HECW1: variants seen among roughly 807,000 people sequenced by gnomAD.
HECW1 encodes the protein E3 ubiquitin-protein ligase HECW1.
HECW1 carries 61 observed loss-of-function variants against 182.3 expected under a neutral mutation model. The observed-to-expected ratio is 0.33, with a 90% CI of 0.27 to 0.41. HECW1 has a LOEUF of 0.41. Among genes scored for constraint, HECW1 ranks in the 10% least tolerant of loss-of-function variants. The pLI is 1.00. For missense variants in HECW1, 1,739 were observed against 2,108.9 expected, an observed-to-expected ratio of 0.82 and a Z score of 3.44; for synonymous variants, 859 against 832.6, an observed-to-expected ratio of 1.03 and a Z score of -0.55.
chr7:43,179,580 T>TGTTGTTGTTGTC (rs1554299849), intron 2 of HECW1, among the ~76,000 whole-genome samples: 2 of 152,090 alleles, frequency 1.3e-5, no homozygotes, highest in African/African-American at 4.8e-5. Context: ...TTGTTGTTGT[T>TGTTGTTGTTGTC]GTCGTTTTTG....
Position 43,456,405 on chromosome 7 carries a change from G to T in HECW1, c.2609G>T (p.Arg870Leu). The T allele has an allele frequency of 6.2e-7, 1 of 1,614,040 alleles. No individual in the cohort carries two copies. Among genetic ancestry groups the T allele is most frequent in the Non-Finnish European group, 8.5e-7 (1 of 1,179,982 alleles). Residue 870 changes from arginine (R) to leucine (L), a missense_variant, in exon 13 of 30, where the codon CGG becomes CTG. Physicochemically the swap from Arg to Leu is moderately radical, Grantham distance 102. Around this residue, in one of 5 missense-constraint regions of HECW1, gnomAD observed 971 missense variants for 1,029.1 expected, o/e 0.94. Coordinates refer to ENST00000395891, the MANE Select transcript of HECW1 (RefSeq NM_015052.5). ...GCAGCAGCCACCCCGGATGGCATGCGGAGATCGGGGTCCATCCAGCAGATG... is the reference window on the plus strand; with the variant it reads ...GCAGCAGCCACCCCGGATGGCATGCTGAGATCGGGGTCCATCCAGCAGATG... ...PTAAATPDGM[R>L]RSGSIQQMEQ...
intron 2 of HECW1, among the ~76,000 whole-genome samples, chr7:43,233,956 G>A (rs973873465): frequency 6.6e-6 from 1 of 152,240 alleles, no homozygotes; most frequent in Non-Finnish European, 1.5e-5. Flanking sequence ...GTACGGGAAA[G>A]ATAAGATACT....
intron 17 of HECW1, among the ~76,000 whole-genome samples, chr7:43,489,095 CAGTT>C (rs2078832101): frequency 6.6e-6 from 1 of 152,130 alleles, no homozygotes; most frequent in Non-Finnish European, 1.5e-5. Context: ...GATGCCCTGA[CAGTT>C]AGACACTTTC....
chr7:43,361,278 A>C (rs1414597990), intron 6 of HECW1, among the ~76,000 whole-genome samples: 1 of 152,240 alleles, frequency 6.6e-6, no homozygotes, highest in Non-Finnish European at 1.5e-5. Context: ...TAATAGAGAC[A>C]TGTGCAATCA....
At chr7:43,136,187 G>A (rs376492128) in intron 2 of HECW1, among the ~76,000 whole-genome samples, 14 of 152,134 alleles carry the variant, frequency 9.2e-5, no homozygotes, top group African/African-American at 2.9e-4. Context: ...AATCAGAGGC[G>A]CCTGATACTA....
intron 6 of HECW1, among the ~76,000 whole-genome samples, chr7:43,366,485 T>C (rs1186525934): frequency 1.3e-5 from 2 of 152,218 alleles, no homozygotes; most frequent in African/African-American, 2.4e-5. Flanking sequence ...GGTTATAAAA[T>C]GTCCTGGAAA....
chr7:43,442,722 A>T (rs1584921070), intron 10 of HECW1, 93 bp downstream of exon 10: 1 of 858,748 alleles, frequency 1.2e-6, no homozygotes. Flanking sequence ...TTCTCTCCAG[A>T]TGTATCCTAG....
intron 2 of HECW1, among the ~76,000 whole-genome samples, chr7:43,122,649 C>G (rs1175831036): frequency 6.6e-6 from 1 of 152,038 alleles, no homozygotes; most frequent in Non-Finnish European, 1.5e-5. Flanking sequence ...GTGTGACATC[C>G]TTGAGAAAAA....
chr7:43,424,632 T>A (rs1208074089), intron 8 of HECW1, among the ~76,000 whole-genome samples: 1 of 151,454 alleles, frequency 6.6e-6, no homozygotes, highest in African/African-American at 2.4e-5. Flanking sequence ...CAAAAATAAA[T>A]AAAAAAATAA....
At chr7:43,210,912 G>A (rs1795952275) in intron 2 of HECW1, among the ~76,000 whole-genome samples, 1 of 152,338 alleles carries the variant, frequency 6.6e-6, no homozygotes, top group South Asian at 2.1e-4. Context: ...GACCAGAAGA[G>A]TGTGCACTTG....
chr7:43,236,208 A>T (rs1476971056), intron 2 of HECW1, among the ~76,000 whole-genome samples: 5 of 152,252 alleles, frequency 3.3e-5, no homozygotes, highest in Non-Finnish European at 7.3e-5. Context: ...GTCCTGAAAT[A>T]GACACAAGTT....
At chr7:43,272,541 G>T (rs1490621749) in intron 3 of HECW1, among the ~76,000 whole-genome samples, 1 of 152,106 alleles carries the variant, frequency 6.6e-6, no homozygotes, top group East Asian at 1.9e-4. Flanking sequence ...CTCAAAAGAA[G>T]ACATATAAGC....
intron 8 of HECW1, among the ~76,000 whole-genome samples, chr7:43,410,693 T>C (rs1219600691): frequency 1.3e-5 from 2 of 152,232 alleles, no homozygotes; most frequent in East Asian, 3.8e-4. Context: ...ATGAATTTAG[T>C]CTTTTAAATA....
chr7:43,379,209 A>G (rs547865242), intron 6 of HECW1, among the ~76,000 whole-genome samples: 1 of 152,264 alleles, frequency 6.6e-6, no homozygotes, highest in East Asian at 1.9e-4. Flanking sequence ...TTAACGCTCA[A>G]TCCCAGAAGC....
chr7:43,120,734 C>T (rs111730061), intron 2 of HECW1, among the ~76,000 whole-genome samples: 1 of 152,104 alleles, frequency 6.6e-6, no homozygotes, highest in Non-Finnish European at 1.5e-5. Flanking sequence ...ACCTCCGCCT[C>T]CCAGGCTCAA....
chr7:43,232,939 C>T (rs1256730617), intron 2 of HECW1, among the ~76,000 whole-genome samples: 1 of 152,186 alleles, frequency 6.6e-6, no homozygotes, highest in African/African-American at 2.4e-5. Flanking sequence ...TCATGACACT[C>T]ATGCTTTTTA....
At chr7:43,503,079 G>A (rs888548755) in intron 21 of HECW1, among the ~76,000 whole-genome samples, 26 of 152,312 alleles carry the variant, frequency 1.7e-4, no homozygotes, top group East Asian at 5.8e-4. Context: ...TGTGCTCGTC[G>A]TTAAAATATG....
intron 8 of HECW1, among the ~76,000 whole-genome samples, chr7:43,416,389 C>G (rs2075997688): frequency 6.6e-6 from 1 of 151,176 alleles, no homozygotes; most frequent in African/African-American, 2.4e-5. Flanking sequence ...TGCCGGTTCT[C>G]AGATCTCCAG....
At chr7:43,148,030 A>G (rs982718091) in intron 2 of HECW1, among the ~76,000 whole-genome samples, 4 of 152,204 alleles carry the variant, frequency 2.6e-5, no homozygotes, top group Admixed American at 1.3e-4. Context: ...CCAATTCTTG[A>G]GAATCTATTT....
Sources: gnomAD v4.1 joint callset for allele counts (sites outside exome capture counted in the v4.1 genomes callset) on GRCh38, gnomAD v4.1.1 for gene constraint, gnomAD v4.1.1 regional missense constraint, MANE v1.5 for transcripts, NCBI Gene and HGNC (gene_info 2026-07-23, HGNC 2026-07-21) for gene names.